ZMYM4: variants seen among roughly 807,000 people sequenced by gnomAD.
The protein encoded by ZMYM4 is zinc finger MYM-type protein 4.
In ZMYM4, 31 loss-of-function variants were observed where a neutral mutation model predicts 183.2. That is an observed-to-expected ratio of 0.17 (90% CI 0.13 to 0.23). The LOEUF is 0.23. Among genes scored for constraint, ZMYM4 ranks in the 10% least tolerant of loss-of-function variants. ZMYM4 has a pLI of 1.00. For synonymous variants in ZMYM4, 592 were observed against 631.2 expected (o/e 0.94, Z 0.93); for missense variants, 1,273 against 1,840.3 (o/e 0.69, Z 5.64).
At chr1:35,309,689 T>C (rs926429388) in intron 1 of ZMYM4, among the ~76,000 whole-genome samples, 8 of 152,050 alleles carry the variant, frequency 5.3e-5, no homozygotes, top group African/African-American at 1.7e-4. Flanking sequence ...CAAAATACTT[T>C]ATGGTGATTG....
intron 2 of ZMYM4, among the ~76,000 whole-genome samples, chr1:35,331,818 A>ATAAATAAAT (rs895082094): frequency 4.7e-5 from 7 of 150,264 alleles, no homozygotes; most frequent in Non-Finnish European, 7.4e-5. Context: ...AAATAAATAA[A>ATAAATAAAT]TAAATAAATA....
rs914882149 is a variant in ZMYM4 at position 35,299,236 on chromosome 1, T to C, written c.40-26124T>C. On this transcript the variant is annotated intron_variant, in intron 1 of 29. Coordinates refer to ENST00000314607, the MANE Select transcript of ZMYM4 (RefSeq NM_005095.3). ...ACATTTTCCTTTACTTTCAGTACTT[T>C]AAAGATGTTGCTCCTATACCTTCTG... 3.9e-5 allele frequency among the ~76,000 whole-genome samples: 6 copies of C among 152,264 alleles called. 1 individual carries two copies. The South Asian group carries it at 1.0e-3, about 26-fold the overall frequency.
chr1:35,388,444 A>G (rs1031111562), intron 13 of ZMYM4, among the ~76,000 whole-genome samples: 5 of 152,054 alleles, frequency 3.3e-5, no homozygotes, highest in African/African-American at 4.8e-5. Context: ...ACCTCAGGTG[A>G]TCCACCCACT....
chr1:35,314,664 A>ATTTTTTTTTTTTTT (rs769116908), intron 1 of ZMYM4, among the ~76,000 whole-genome samples: 16 of 88,944 alleles, frequency 1.8e-4, no homozygotes, highest in African/African-American at 5.6e-4. Flanking sequence ...TTCAAAAATG[A>ATTTTTTTTTTTTTT]TTTTTTTTTT....
chr1:35,275,183 C>G (rs1420889562), intron 1 of ZMYM4, among the ~76,000 whole-genome samples: 1 of 151,724 alleles, frequency 6.6e-6, no homozygotes, highest in East Asian at 1.9e-4. Flanking sequence ...TATTTTGAAG[C>G]TGTGATTTAC....
chr1:35,351,548 C>T, intron 2 of ZMYM4: 1 of 1,142,446 alleles, frequency 8.8e-7, no homozygotes, highest in Non-Finnish European at 1.3e-6. Flanking sequence ...GAAGAAAGAT[C>T]AGGTAACTCA....
intron 29 of ZMYM4, among the ~76,000 whole-genome samples, 188 bp from the exon 30 acceptor site, chr1:35,419,282 T>C (rs1247438719): frequency 6.6e-6 from 1 of 152,182 alleles, no homozygotes; most frequent in African/African-American, 2.4e-5. Flanking sequence ...GCTTTCCCCA[T>C]TGTGAGTCAC....
chr1:35,394,480 T>C (rs1245612030), intron 18 of ZMYM4, among the ~76,000 whole-genome samples: 1 of 152,102 alleles, frequency 6.6e-6, no homozygotes, highest in Non-Finnish European at 1.5e-5. Context: ...TGAGAAATGC[T>C]TGTGGCCTCC....
At chr1:35,411,925 C>T (rs887582784) in intron 26 of ZMYM4, among the ~76,000 whole-genome samples, 1 of 152,172 alleles carries the variant, frequency 6.6e-6, no homozygotes, top group Non-Finnish European at 1.5e-5. Flanking sequence ...CTCTGTCGCC[C>T]AGGCTGGAGT....
At position 35,419,885 on chromosome 1, in the gene ZMYM4, A is replaced by G; in HGVS notation, c.*208A>G. ...AACTGAGAAATGTTCTTTGGCAGTG[A>G]TATAGTTCTTAGACATCTTCAGAAT... On this transcript the variant is annotated 3_prime_UTR_variant, in exon 30 of 30. Coordinates refer to ENST00000314607, the MANE Select transcript of ZMYM4 (RefSeq NM_005095.3). 3.5e-6 allele frequency: 2 copies of G among 572,788 alleles called. No individual in the cohort carries two copies. Among genetic ancestry groups the G allele is most frequent in the Non-Finnish European group, 6.2e-6 (2 of 322,904 alleles). The allele number at this position is 572,788 out of a possible 1,614,324, so 35.5% of individuals were successfully genotyped here. A position where few individuals can be genotyped will look rare whatever the true frequency, so the allele number is the denominator to read the frequency against.
At position 35,317,869 on chromosome 1, in the gene ZMYM4, A is replaced by G. The variant is rs146160747; in HGVS notation, c.40-7491A>G. Among the ~76,000 whole-genome samples, 13 of 152,188 alleles carry G rather than the reference A, an allele frequency of 8.5e-5. 2 individuals are homozygous for G. The highest frequency in any genetic ancestry group is 2.6e-4 in the African/African-American group (11 of 41,516). On this transcript the variant is annotated intron_variant, in intron 1 of 29. Coordinates refer to ENST00000314607, the MANE Select transcript of ZMYM4 (RefSeq NM_005095.3). ...GAGTGTGTAGATATGTCACCTGAAG[A>G]ATTCAGTGAAGACAAACTTACAAAC... is the stretch of plus-strand genomic sequence containing the variant.
At chr1:35,412,968 TA>T (rs1639974430) in intron 26 of ZMYM4, among the ~76,000 whole-genome samples, 1 of 152,130 alleles carries the variant, frequency 6.6e-6, no homozygotes, top group South Asian at 2.1e-4. Flanking sequence ...TTTTATCACG[TA>T]ATTACATGCT....
At chr1:35,293,514 G>A (rs767875772) in intron 1 of ZMYM4, among the ~76,000 whole-genome samples, 7 of 151,678 alleles carry the variant, frequency 4.6e-5, no homozygotes, top group Non-Finnish European at 7.4e-5. Context: ...GAGGGGTTTC[G>A]CCATGTTGGT....
chr1:35,325,439 TTAG>T (rs1412554226), intron 2 of ZMYM4, 34 bp downstream of exon 2: 2 of 1,586,014 alleles, frequency 1.3e-6, no homozygotes, highest in Non-Finnish European at 1.7e-6. Context: ...AATCATGTCT[TTAG>T]ATAGAAAATG....
intron 1 of ZMYM4, among the ~76,000 whole-genome samples, chr1:35,285,526 G>GA (rs943386369): frequency 4.7e-5 from 7 of 147,686 alleles, no homozygotes; most frequent in East Asian, 2.0e-4. Context: ...AAAATATTTG[G>GA]AAAAAAAAAT....
chr1:35,399,734 A>T (rs1428517263), intron 23 of ZMYM4, among the ~76,000 whole-genome samples, 158 bp downstream of exon 23: 1 of 151,894 alleles, frequency 6.6e-6, no homozygotes, highest in Non-Finnish European at 1.5e-5. Context: ...CATATATTTT[A>T]TTTACATTTC....
At chr1:35,406,571 G>A (rs371743867) in intron 25 of ZMYM4, among the ~76,000 whole-genome samples, 4 of 152,266 alleles carry the variant, frequency 2.6e-5, no homozygotes, top group African/African-American at 7.2e-5. Flanking sequence ...TAGTGCAAAT[G>A]GAGAGGTAAT....
intron 2 of ZMYM4, among the ~76,000 whole-genome samples, chr1:35,347,537 A>G (rs1358090605): frequency 2.0e-5 from 3 of 151,986 alleles, no homozygotes; most frequent in East Asian, 1.9e-4. Context: ...TTCCTGGATT[A>G]TAAGGGGTAG....
chr1:35,323,399 A>G (rs866019192), intron 1 of ZMYM4, among the ~76,000 whole-genome samples: 31 of 152,216 alleles, frequency 2.0e-4, no homozygotes, highest in Admixed American at 7.9e-4. Flanking sequence ...GTATAAGATG[A>G]GAAGGAATAA....
Sources: allele counts gnomAD v4.1 joint callset (sites outside exome capture counted in the v4.1 genomes callset), GRCh38; gene constraint gnomAD v4.1.1; transcripts MANE v1.5; gene names NCBI Gene and HGNC (gene_info 2026-07-23, HGNC 2026-07-21).